Variants in CUL5 observed in about 807,000 individuals in gnomAD.
CUL5 encodes the protein cullin-5.
In CUL5, 26 loss-of-function variants were observed where a neutral mutation model predicts 108.8. The observed-to-expected ratio is 0.24, with a 90% CI of 0.18 to 0.33. The LOEUF (loss-of-function observed/expected upper bound fraction) is 0.33, where lower values mean the gene tolerates loss of function less well. Ranked by LOEUF, CUL5 falls within the 10% of genes least tolerant of loss-of-function variation. The pLI is 1.00. For missense variants in CUL5, 524 were observed against 909.2 expected (o/e 0.58, Z 5.45); for synonymous variants, 334 against 298.0 (o/e 1.12, Z -1.25).
At chr11:108,029,662 A>G (rs1862529913) in intron 1 of CUL5, among the ~76,000 whole-genome samples, 1 of 152,214 alleles carries the variant, frequency 6.6e-6, no homozygotes, top group South Asian at 2.1e-4. Context: ...CTTGAGCATC[A>G]TTTTTGGAAT....
At chr11:108,086,248 A>G (rs184013068) in intron 11 of CUL5, among the ~76,000 whole-genome samples, 9 of 152,318 alleles carry the variant, frequency 5.9e-5, no homozygotes, top group African/African-American at 2.2e-4. Flanking sequence ...ACAACTGAAA[A>G]CAATAATAAA....
chr11:108,080,297 C>A (rs999800799), intron 11 of CUL5, among the ~76,000 whole-genome samples: 1 of 151,916 alleles, frequency 6.6e-6, no homozygotes, highest in Non-Finnish European at 1.5e-5. Flanking sequence ...CTGCGTTGCT[C>A]AGGCTGGTGT....
At chr11:108,029,789 G>C (rs1862533146) in intron 1 of CUL5, among the ~76,000 whole-genome samples, 1 of 152,096 alleles carries the variant, frequency 6.6e-6, no homozygotes, top group Non-Finnish European at 1.5e-5. Flanking sequence ...TATGTTTCCT[G>C]GTACTTAACA....
At chr11:108,027,605 T>C (rs999675849) in intron 1 of CUL5, among the ~76,000 whole-genome samples, 12 of 151,938 alleles carry the variant, frequency 7.9e-5, no homozygotes, top group African/African-American at 2.4e-4. Flanking sequence ...GACAGGCTTT[T>C]TCCATGTTGC....
chr11:108,065,337 A>C (rs539108659), intron 7 of CUL5, among the ~76,000 whole-genome samples: 41 of 152,134 alleles, frequency 2.7e-4, no homozygotes, highest in Admixed American at 9.2e-4. Flanking sequence ...AAATTTTATT[A>C]TGGCTTCTAT....
At chr11:108,087,808 T>G (rs1484988600) in intron 11 of CUL5, among the ~76,000 whole-genome samples, 1 of 151,928 alleles carries the variant, frequency 6.6e-6, no homozygotes, top group East Asian at 1.9e-4. Flanking sequence ...GTGCTAAAAA[T>G]TCAAAAATTA....
chr11:108,021,983 T>G (rs1415895439), intron 1 of CUL5, among the ~76,000 whole-genome samples: 2 of 152,106 alleles, frequency 1.3e-5, no homozygotes, highest in Non-Finnish European at 2.9e-5. Context: ...CCCATCTATC[T>G]ATCTGTATCT....
intron 1 of CUL5, among the ~76,000 whole-genome samples, chr11:108,021,823 T>G (rs1862333485): frequency 6.6e-6 from 1 of 151,702 alleles, no homozygotes; most frequent in Non-Finnish European, 1.5e-5. Flanking sequence ...GTTTATTTAT[T>G]TATTTTTCAG....
intron 7 of CUL5, among the ~76,000 whole-genome samples, chr11:108,062,407 G>A (rs750946550): frequency 7.2e-5 from 11 of 151,878 alleles, no homozygotes; most frequent in Middle Eastern, 3.2e-3. Flanking sequence ...TATCCATATC[G>A]TTGCTGATCT....
intron 2 of CUL5, among the ~76,000 whole-genome samples, chr11:108,037,520 A>G (rs1331684056): frequency 6.6e-6 from 1 of 152,210 alleles, no homozygotes; most frequent in Non-Finnish European, 1.5e-5. Context: ...CAACAAAGGG[A>G]AAAAGTGTGT....
At chr11:108,102,673 T>G (rs1405228385) in intron 18 of CUL5, among the ~76,000 whole-genome samples, 1 of 152,184 alleles carries the variant, frequency 6.6e-6, no homozygotes, top group African/African-American at 2.4e-5. Context: ...AGTTTTTCTC[T>G]TACTGAATAG....
rs1416794132 is a variant in CUL5, at chr11:108,104,381, A to G, written c.2340A>G (p.Ala780=). The part of the protein sequence containing the change: ...ESDINTFIYM[A] ...ATATCAACACTTTCATATATATGGC[A>G]TAATTTTGAATATCATGGACAATAT... Residue 780 remains alanine (A), a synonymous_variant, in exon 19 of 19, where the codon GCA becomes GCG. Transcript: ENST00000393094. 1 of 1,525,680 alleles carries G rather than the reference A, an allele frequency of 6.6e-7. No homozygotes were observed. The highest frequency in any genetic ancestry group is 2.4e-5 in the East Asian group (1 of 40,860). 94.5% of individuals were successfully genotyped at this position (1,525,680 alleles called of 1,614,324 possible).
intron 2 of CUL5, among the ~76,000 whole-genome samples, chr11:108,039,207 A>G (rs188825046): frequency 2.4e-4 from 37 of 152,038 alleles, no homozygotes; most frequent in African/African-American, 8.4e-4. Context: ...TTTAGTAGAG[A>G]TGGGGTTTCT....
At chr11:108,013,158 C>T (rs1300808472) in intron 1 of CUL5, among the ~76,000 whole-genome samples, 1 of 152,174 alleles carries the variant, frequency 6.6e-6, no homozygotes, top group Non-Finnish European at 1.5e-5. Flanking sequence ...CTCTGCTTCT[C>T]TTTTGGTTTT....
intron 7 of CUL5, among the ~76,000 whole-genome samples, chr11:108,061,016 T>TA (rs1863520351): frequency 6.6e-6 from 1 of 152,160 alleles, no homozygotes; most frequent in South Asian, 2.1e-4. Context: ...AGCACATTGA[T>TA]AGTTAAAGTG....
At chr11:108,098,111 C>T (rs1864544573) in intron 17 of CUL5, among the ~76,000 whole-genome samples, 1 of 152,148 alleles carries the variant, frequency 6.6e-6, no homozygotes, top group Admixed American at 6.6e-5. Context: ...GGCAATAACA[C>T]TGAATCCTAA....
intron 7 of CUL5, 89 bp from the exon 8 acceptor site, chr11:108,070,006 TG>T: frequency 1.3e-6 from 1 of 767,550 alleles, no homozygotes. Context: ...ATTTTTTTTT[TG>T]TTGAACAATA....
chr11:108,059,701 A>G (rs1415487666), intron 7 of CUL5, among the ~76,000 whole-genome samples: 1 of 151,800 alleles, frequency 6.6e-6, no homozygotes, highest in African/African-American at 2.4e-5. Context: ...ACACGGTGAA[A>G]CCCTGTCTCT....
rs1863406786 is a variant in CUL5, at chr11:108,057,293, G to A, written c.780+2338G>A. Among the ~76,000 whole-genome samples, 7 of 152,228 alleles carry A rather than the reference G, an allele frequency of 4.6e-5. No individual in the cohort carries two copies. In the South Asian group the frequency reaches 1.2e-3, roughly 27 times the overall value. On this transcript the variant is annotated intron_variant, in intron 7 of 18. Coordinates refer to ENST00000393094, the MANE Select transcript of CUL5 (RefSeq NM_003478.6). ...TTCTCCCACCTCGACCTCCCAGAGTGCTAGGATTACAGGCACGAGCCACGG... is the reference window on the plus strand; with the variant it reads ...TTCTCCCACCTCGACCTCCCAGAGTACTAGGATTACAGGCACGAGCCACGG...
Sources: allele counts gnomAD v4.1 joint callset (sites outside exome capture counted in the v4.1 genomes callset), GRCh38; gene constraint gnomAD v4.1.1; transcripts MANE v1.5; gene names NCBI Gene and HGNC (gene_info 2026-07-23, HGNC 2026-07-21).